Variants in IQUB observed in about 807,000 individuals in gnomAD.
IQUB encodes IQ motif and ubiquitin-like domain-containing protein.
A neutral mutation model predicts 86.4 loss-of-function variants in IQUB; 86 were observed. That is an observed-to-expected ratio of 1.00 (90% confidence interval 0.84 to 1.19). The LOEUF (loss-of-function observed/expected upper bound fraction) is 1.19, where lower values mean the gene tolerates loss of function less well. Among genes scored for constraint, IQUB ranks in the 50% most tolerant of loss-of-function variants. The pLI, the probability that IQUB is intolerant of heterozygous loss-of-function variation, is 0.00. For synonymous variants in IQUB, 289 were observed against 304.5 expected (o/e 0.95, Z 0.53); for missense variants, 946 against 916.9 (o/e 1.03, Z -0.41).
At chr7:123,523,697 CTTTAG>C (rs913883940) in intron 1 of IQUB, among the ~76,000 whole-genome samples, 2 of 151,870 alleles carry the variant, frequency 1.3e-5, no homozygotes, top group Non-Finnish European at 2.9e-5. Context: ...TGCAGAAGCT[CTTTAG>C]TTTAATTAGA....
At chr7:123,488,436 C>T (rs371579099) in intron 7 of IQUB, among the ~76,000 whole-genome samples, 1 of 152,010 alleles carries the variant, frequency 6.6e-6, no homozygotes, top group Admixed American at 6.6e-5. Flanking sequence ...AGGTAGAATC[C>T]GTGGTGGGAG....
At chr7:123,500,280 T>C (rs1354135242) in intron 6 of IQUB, among the ~76,000 whole-genome samples, 1 of 152,130 alleles carries the variant, frequency 6.6e-6, no homozygotes, top group Non-Finnish European at 1.5e-5. Context: ...AACCCTCTCT[T>C]GGGGTCTGGA....
At chr7:123,524,038 G>T (rs1161849774) in intron 1 of IQUB, among the ~76,000 whole-genome samples, 1 of 145,996 alleles carries the variant, frequency 6.8e-6, no homozygotes, top group African/African-American at 2.5e-5. Flanking sequence ...ATTTCTGAGG[G>T]CTTTGTTCTG....
chr7:123,474,562 A>T (rs10275556), intron 8 of IQUB, among the ~76,000 whole-genome samples: 4,709 of 152,282 alleles, frequency 0.031, 224 homozygotes, highest in African/African-American at 0.11. Flanking sequence ...ATAGAATCAT[A>T]TACAAAAAGG....
At chr7:123,483,010 T>C (rs1304270172) in intron 7 of IQUB, among the ~76,000 whole-genome samples, 3 of 152,146 alleles carry the variant, frequency 2.0e-5, no homozygotes, top group African/African-American at 7.2e-5. Flanking sequence ...ATCATAAGTT[T>C]CAGTTCATTC....
At chr7:123,463,151 C>CT in intron 10 of IQUB, among the ~76,000 whole-genome samples, 1 of 151,772 alleles carries the variant, frequency 6.6e-6, no homozygotes, top group Middle Eastern at 3.4e-3. Context: ...ACTTTAAATA[C>CT]TTTATCTTAA....
chr7:123,459,302 T>G (rs1793871820), intron 11 of IQUB, among the ~76,000 whole-genome samples: 1 of 152,006 alleles, frequency 6.6e-6, no homozygotes, highest in Non-Finnish European at 1.5e-5. Flanking sequence ...ACCCAGATAT[T>G]TGGTCAAACG....
intron 1 of IQUB, among the ~76,000 whole-genome samples, chr7:123,512,557 AT>A (rs757207890): frequency 1.4e-4 from 21 of 152,336 alleles, no homozygotes; most frequent in South Asian, 8.3e-4. Context: ...ATGGAAAAAC[AT>A]TTTTTAATAT....
intron 12 of IQUB, 30 bp from the exon 13 acceptor site, chr7:123,452,955 A>G (rs1793499974): frequency 1.3e-6 from 2 of 1,546,096 alleles, no homozygotes; most frequent in Non-Finnish European, 8.8e-7. Context: ...ATTCTAGTAA[A>G]TATCACAGAT....
chr7:123,512,317 A>G lies in IQUB; in HGVS notation c.24T>C (p.Tyr8=). The part of the protein sequence containing the change: MSNQQEK[Y]EAQNIVNSTE... ...TTGAATTGACTATATTCTGAGCTTC[A>G]TACTTCTCCTGTTGATTAGACATTT... is the stretch of plus-strand genomic sequence containing the variant. The change falls in exon 2 of 13, where the codon TAT becomes TAC. Residue 8 remains tyrosine (Y), a synonymous_variant. Coordinates refer to ENST00000324698, the MANE Select transcript of IQUB (RefSeq NM_178827.5). The G allele has an allele frequency of 1.3e-6, 2 of 1,575,764 alleles. No individual in the cohort carries two copies. Among genetic ancestry groups the G allele is most frequent in the Non-Finnish European group, 1.7e-6 (2 of 1,153,332 alleles).
Position 123,461,347 on chromosome 7 carries a change from T to C in IQUB, c.2007+10A>G, listed in dbSNP as rs936383311. 11 of 1,594,724 alleles carry C rather than the reference T, an allele frequency of 6.9e-6. No homozygotes were observed. The highest frequency in any genetic ancestry group is 3.4e-5 in the Admixed American group (2 of 58,722). On this transcript the variant is annotated intron_variant, in intron 11 of 12. Transcript: ENST00000324698. ...CTTCAGCTATAATTGGCACCCCTTA[T>C]TGACCATACCTGCATCAAGAAAGCA...
At chr7:123,494,392 C>A (rs1795622099) in intron 7 of IQUB, among the ~76,000 whole-genome samples, 1 of 152,086 alleles carries the variant, frequency 6.6e-6, no homozygotes. Context: ...AAGAGGGCAG[C>A]AGCTCCAAGG....
chr7:123,506,468 C>A (rs547404691), intron 3 of IQUB, among the ~76,000 whole-genome samples: 1 of 152,164 alleles, frequency 6.6e-6, no homozygotes, highest in African/African-American at 2.4e-5. Context: ...ATGGGCTGTA[C>A]AGGAAGCATG....
intron 6 of IQUB, among the ~76,000 whole-genome samples, chr7:123,498,569 T>C (rs576195753): frequency 6.6e-6 from 1 of 152,318 alleles, no homozygotes; most frequent in South Asian, 2.1e-4. Context: ...AACACAGTTG[T>C]TTAAACAACA....
At chr7:123,481,037 T>C (rs952271721) in intron 7 of IQUB, among the ~76,000 whole-genome samples, 2 of 146,662 alleles carry the variant, frequency 1.4e-5, no homozygotes, top group African/African-American at 4.9e-5. Flanking sequence ...TCAACCTTAT[T>C]TACATTAACA....
Position 123,464,886 on chromosome 7 carries a change from A to G in IQUB, c.1705T>C (p.Phe569Leu), listed in dbSNP as rs1296613994. 3.1e-6 allele frequency: 5 copies of G among 1,607,118 alleles called. No individual in the cohort carries two copies. The highest frequency in any genetic ancestry group is 1.7e-5 in the Admixed American group (1 of 58,634). The part of the protein sequence containing the change: ...GLRKRIATLF[F>L]HYIKTPLFNP... ...AACAGAGGTGTTTTGATATAATGAA[A>G]AAAGAGTGTCGCAATTCTTTTTCTG... The change falls in exon 10 of 13, where the codon TTT (phenylalanine) becomes CTT (leucine). Residue 569 changes from phenylalanine to leucine, a missense_variant. By Grantham distance (22) the Phe-to-Leu change is conservative (BLOSUM62 0). Coordinates refer to ENST00000324698, the MANE Select transcript of IQUB (RefSeq NM_178827.5).
At chr7:123,474,985 C>T (rs1194838094) in intron 8 of IQUB, among the ~76,000 whole-genome samples, 1 of 152,182 alleles carries the variant, frequency 6.6e-6, no homozygotes, top group Non-Finnish European at 1.5e-5. Context: ...CTGCCTTTCA[C>T]CTTTGTGTGT....
chr7:123,471,418 T>C (rs1383175606), intron 8 of IQUB, among the ~76,000 whole-genome samples: 3 of 152,220 alleles, frequency 2.0e-5, no homozygotes, highest in Non-Finnish European at 2.9e-5. Flanking sequence ...TTCTAAAGTC[T>C]AACCAATGTC....
In IQUB at chr7:123,457,460, AG is replaced by A. The variant is rs753034017; in HGVS notation, c.2113del (p.Leu705TrpfsTer22). ...DLVMVRWNKS[L>X]EWSPWNCILL... ...AATGCAGTTCCAGGGGGACCACTCC[AG>A]GGATTTATTCCATCTGACCATGACC... On this transcript the variant is annotated frameshift_variant, in exon 12 of 13. Transcript: ENST00000324698. LOFTEE classifies it high-confidence loss of function. The A allele has an allele frequency of 1.2e-6, 2 of 1,612,068 alleles. No individual in the cohort carries two copies. The highest frequency in any genetic ancestry group is 2.7e-5 in the African/African-American group (2 of 74,740).
Sources: allele counts gnomAD v4.1 joint callset (sites outside exome capture counted in the v4.1 genomes callset), GRCh38; gene constraint gnomAD v4.1.1; transcripts MANE v1.5; gene names NCBI Gene and HGNC (gene_info 2026-07-23, HGNC 2026-07-21).